Variants in FBXW8 observed in about 807,000 individuals in gnomAD.
The protein encoded by FBXW8 is F-box and WD repeat domain containing 8.
A neutral mutation model predicts 65.3 loss-of-function variants in FBXW8; 57 were observed. That is an observed-to-expected ratio of 0.87 (90% CI 0.71 to 1.09). The LOEUF is 1.09. Among genes scored for constraint, FBXW8 ranks in the 50% least tolerant of loss-of-function variants. The pLI is 0.00. For missense variants in FBXW8, 777 were observed against 814.8 expected (o/e 0.95, Z 0.57); for synonymous variants, 308 against 330.2 (o/e 0.93, Z 0.73).
chr12:116,955,554 G>T (rs1883588989), intron 4 of FBXW8, among the ~76,000 whole-genome samples: 1 of 152,198 alleles, frequency 6.6e-6, no homozygotes, highest in Admixed American at 6.5e-5. Flanking sequence ...AGTTTGTCTA[G>T]AAAGTTAGTT....
intron 9 of FBXW8, 98 bp downstream of exon 9, chr12:117,024,418 C>A (rs904424100): frequency 1.4e-6 from 2 of 1,416,674 alleles, no homozygotes; most frequent in Non-Finnish European, 1.9e-6. Context: ...TGCCCCCTAC[C>A]CCCCGGCTTC....
At chr12:116,947,212 T>G (rs1425841546) in intron 3 of FBXW8, among the ~76,000 whole-genome samples, 1 of 152,232 alleles carries the variant, frequency 6.6e-6, no homozygotes, top group Non-Finnish European at 1.5e-5. Context: ...TATTTATTTC[T>G]AATGAACAGG....
At chr12:116,987,664 A>G (rs1343854047) in intron 6 of FBXW8, among the ~76,000 whole-genome samples, 2 of 152,186 alleles carry the variant, frequency 1.3e-5, no homozygotes, top group African/African-American at 4.8e-5. Flanking sequence ...GCGAATTTGG[A>G]GCTGAATGTT....
At chr12:117,011,649 G>A (rs1392258330) in intron 8 of FBXW8, among the ~76,000 whole-genome samples, 15 of 152,068 alleles carry the variant, frequency 9.9e-5, no homozygotes, top group Non-Finnish European at 1.5e-5. Flanking sequence ...GCTATACAGA[G>A]GCTCCAAGCT....
At chr12:117,011,127 C>CTTTTTTTTTTTTTTTTTTTTTTTT (rs397946872) in intron 8 of FBXW8, among the ~76,000 whole-genome samples, 1 of 122,176 alleles carries the variant, frequency 8.2e-6, no homozygotes, top group African/African-American at 3.6e-5. Flanking sequence ...TTTTCTTTTC[C>CTTTTTTTTTTTTTTTTTTTTTTTT]TTTTTTTTTT....
rs1288710158 is a variant in FBXW8 at position 117,028,193 on chromosome 12, C to T, written c.*21C>T. The T allele has an allele frequency of 6.2e-7, 1 of 1,611,084 alleles. No individual in the cohort carries two copies. The highest frequency in any genetic ancestry group is 1.7e-5 in the Admixed American group (1 of 59,876). ...TTTAGGGATGTGCCTCAGTTGGGAG[C>T]AAGGAGAAAAATGGGAAGAACCAGT... is the stretch of plus-strand genomic sequence containing the variant. On this transcript the variant is annotated 3_prime_UTR_variant, in exon 11 of 11. Transcript: ENST00000652555. This position sits in a 1 kb window ranked among gnomAD's most constrained non-coding sequence, Gnocchi z 4.1.
chr12:116,959,367 A>T (rs1883845999), intron 4 of FBXW8, among the ~76,000 whole-genome samples: 1 of 152,228 alleles, frequency 6.6e-6, no homozygotes. Flanking sequence ...GAGGAGGCAG[A>T]GTGGCTTGTT....
At chr12:116,948,465 A>G (rs1883068881) in intron 3 of FBXW8, among the ~76,000 whole-genome samples, 1 of 152,192 alleles carries the variant, frequency 6.6e-6, no homozygotes, top group Non-Finnish European at 1.5e-5. Flanking sequence ...CTCAGTTTCT[A>G]GAGTCTAGGT....
chr12:116,976,621 A>AT (rs58135251), intron 5 of FBXW8, among the ~76,000 whole-genome samples: 246 of 137,960 alleles, frequency 1.8e-3, no homozygotes, highest in Admixed American at 3.0e-3. Context: ...ACACCGGCTA[A>AT]TTTTTTTTTT....
intron 8 of FBXW8, among the ~76,000 whole-genome samples, chr12:117,014,857 G>C (rs1395826539): frequency 6.6e-6 from 1 of 152,102 alleles, no homozygotes; most frequent in Non-Finnish European, 1.5e-5. Context: ...CAGTATTATG[G>C]GATCCCTTTC....
chr12:116,957,241 G>A (rs1232669077), intron 4 of FBXW8, among the ~76,000 whole-genome samples: 1 of 151,914 alleles, frequency 6.6e-6, no homozygotes, highest in African/African-American at 2.4e-5. Flanking sequence ...CAGCTACTCG[G>A]GTGGCTGAGG....
intron 5 of FBXW8, among the ~76,000 whole-genome samples, chr12:116,969,315 AT>A (rs1884511840): frequency 1.3e-5 from 2 of 152,106 alleles, no homozygotes; most frequent in Admixed American, 6.5e-5. Context: ...AGCTTGTTTC[AT>A]TGGTCTGATT....
intron 1 of FBXW8, among the ~76,000 whole-genome samples, chr12:116,915,113 A>G (rs1880299671): frequency 6.6e-6 from 1 of 152,216 alleles, no homozygotes; most frequent in Non-Finnish European, 1.5e-5. Flanking sequence ...CTCCAGGCTG[A>G]TAAATGATGA....
chr12:116,988,878 C>T lies in FBXW8; in HGVS notation c.1239+9C>T, dbSNP rs1953168273. On this transcript the variant is annotated intron_variant, in intron 7 of 10. Transcript: ENST00000652555. ...TGTACGAAGGAAGCAAGGTACACAA[C>T]TAGCAAGATATATAATTAACAAAAA... is the stretch of plus-strand genomic sequence containing the variant. 5.0e-6 allele frequency: 8 copies of T among 1,609,350 alleles called. No homozygotes were observed. Among genetic ancestry groups the T allele is most frequent in the Non-Finnish European group, 6.8e-6 (8 of 1,175,868 alleles).
intron 2 of FBXW8, among the ~76,000 whole-genome samples, chr12:116,937,593 G>A (rs984399133): frequency 6.6e-5 from 10 of 152,210 alleles, no homozygotes; most frequent in Admixed American, 5.2e-4. Flanking sequence ...TGACCATTGG[G>A]TTTTGCAAGT....
Position 117,000,112 on chromosome 12 carries a change from G to C in FBXW8, c.1240-10211G>C, listed in dbSNP as rs976815314. On this transcript the variant is annotated intron_variant, in intron 7 of 10. Coordinates refer to ENST00000652555, the MANE Select transcript of FBXW8 (RefSeq NM_153348.3). ...TTCTCCTGCCTCAGCCTCCCGAGTA[G>C]CTGGGACTACAGGCGCCCGCCACCA... Among the ~76,000 whole-genome samples the C allele has an allele frequency of 8.6e-5, 13 of 151,922 alleles. No homozygotes were observed. The East Asian group carries it at 2.5e-3, about 30-fold the overall frequency.
At chr12:117,027,936 C>G in intron 10 of FBXW8, 92 bp from the exon 11 acceptor site, 1 of 1,542,192 alleles carries the variant, frequency 6.5e-7, no homozygotes, top group East Asian at 2.3e-5. Context: ...TCTATCTGGT[C>G]TCAGGCGAAC....
In FBXW8 at chr12:116,947,273, T is replaced by C. The variant is rs4076570; in HGVS notation, c.588+1745T>C. 4.1e-3 allele frequency among the ~76,000 whole-genome samples: 625 copies of C among 152,332 alleles called. 5 individuals are homozygous for C. Among genetic ancestry groups the C allele is most frequent in the African/African-American group, 0.015 (608 of 41,572 alleles). On this transcript the variant is annotated intron_variant, in intron 3 of 10. Coordinates refer to ENST00000652555, the MANE Select transcript of FBXW8 (RefSeq NM_153348.3). ...CTACATGGCTGTTGATTGAGTGAAC[T>C]GGAGCGGACTGCAGGCTGAACCAAA...
chr12:116,926,913 T>C (rs1236610203), intron 1 of FBXW8, among the ~76,000 whole-genome samples: 2 of 152,184 alleles, frequency 1.3e-5, no homozygotes, highest in Non-Finnish European at 2.9e-5. Context: ...AAATCAGTGC[T>C]TGGACTCCCT....
Sources: gnomAD v4.1 joint callset for allele counts (sites outside exome capture counted in the v4.1 genomes callset) on GRCh38, gnomAD v4.1.1 for gene constraint, Gnocchi (gnomAD v3.1) non-coding constraint, MANE v1.5 for transcripts, NCBI Gene and HGNC (gene_info 2026-07-23, HGNC 2026-07-21) for gene names.